Variants in STATH observed in about 807,000 individuals in gnomAD.
STATH encodes statherin.
A neutral mutation model predicts 13.3 loss-of-function variants in STATH; 11 were observed. That is an observed-to-expected ratio of 0.83 (90% CI 0.52 to 1.37). The LOEUF (loss-of-function observed/expected upper bound fraction) is 1.37, where lower values mean the gene tolerates loss of function less well. STATH is among the 40% of genes most tolerant of loss of function. STATH has a pLI of 0.00. For synonymous variants in STATH, 25 were observed against 23.6 expected, an observed-to-expected ratio of 1.06 and a Z score of -0.17; for missense variants, 78 against 73.3, an observed-to-expected ratio of 1.06 and a Z score of -0.24.
chr4:69,998,152 C>T (rs527915574), intron 1 of STATH, among the ~76,000 whole-genome samples: 2 of 152,250 alleles, frequency 1.3e-5, no homozygotes, highest in Admixed American at 1.3e-4. Context: ...TTACTTTCTT[C>T]TTTACCTTCA....
chr4:70,000,160 G>A (rs1176482291), intron 4 of STATH: 3 of 215,106 alleles, frequency 1.4e-5, no homozygotes, highest in East Asian at 2.1e-4. Context: ...ATAAAATATG[G>A]TAAGTTTGCA....
At chr4:70,001,589 G>A (rs1238496778) in intron 5 of STATH, among the ~76,000 whole-genome samples, 1 of 151,782 alleles carries the variant, frequency 6.6e-6, no homozygotes, top group Non-Finnish European at 1.5e-5. Context: ...ATATGGAAAT[G>A]TTATCAATTT....
chr4:70,001,530 T>C (rs1444892106), intron 5 of STATH, among the ~76,000 whole-genome samples: 1 of 151,800 alleles, frequency 6.6e-6, no homozygotes, highest in Non-Finnish European at 1.5e-5. Flanking sequence ...CCTAAGTAAC[T>C]CTACTGAGCA....
chr4:70,001,425 G>A (rs1303225211), intron 5 of STATH, among the ~76,000 whole-genome samples: 1 of 151,796 alleles, frequency 6.6e-6, no homozygotes, highest in Non-Finnish European at 1.5e-5. Flanking sequence ...CTGTACCTAG[G>A]TGTTGCTTAA....
rs751642322 is a variant in STATH, at chr4:69,999,817, T to C, written c.102+8T>C. ...AGAATTGGAAGATTCGGTGTAAGTG[T>C]TCTCTGATAATGCTGTGTAGTCCAA... On this transcript the variant is annotated splice_region_variant and intron_variant, in intron 4 of 5. Transcript: ENST00000246895. 1.2e-6 allele frequency: 2 copies of C among 1,611,912 alleles called. No homozygotes were observed. Among genetic ancestry groups the C allele is most frequent in the Admixed American group, 1.7e-5 (1 of 59,840 alleles).
intron 1 of STATH, 87 bp from the exon 2 acceptor site, chr4:69,998,336 G>C: frequency 1.1e-6 from 1 of 917,288 alleles, no homozygotes; most frequent in South Asian, 1.6e-5. Flanking sequence ...GTGTCTCCCA[G>C]TGCTTTGGAG....
rs934080507 is a variant in STATH, at chr4:70,000,801, A to C, written c.103-62A>C. On this transcript the variant is annotated intron_variant, in intron 4 of 5. Coordinates refer to ENST00000246895, the MANE Select transcript of STATH (RefSeq NM_003154.3). The stretch of plus-strand genomic sequence containing the variant: ...CTTTAACAATCTAAGCTTCTAATAA[A>C]AACGCTTGCACTGTCATTATCTCAA... The C allele has an allele frequency of 1.2e-5, 15 of 1,247,218 alleles. No individual in the cohort carries two copies. In the Admixed American group the frequency reaches 2.4e-4, roughly 20 times the overall value. 77.3% of individuals were successfully genotyped at this position (1,247,218 alleles called of 1,614,324 possible).
intron 1 of STATH, 28 bp from the exon 2 acceptor site, chr4:69,998,395 G>T (rs1724564418): frequency 6.3e-7 from 1 of 1,579,392 alleles, no homozygotes; most frequent in South Asian, 1.1e-5. Flanking sequence ...GAAAAAATGT[G>T]ATACTGAATT....
chr4:69,998,928 T>A (rs1480661374), intron 2 of STATH: 1 of 153,188 alleles, frequency 6.5e-6, no homozygotes, highest in Non-Finnish European at 1.5e-5. Flanking sequence ...TATACAATTA[T>A]TTAGCACACA....
At chr4:69,999,907 T>C (rs1724609589) in intron 4 of STATH, 98 bp downstream of exon 4, 2 of 1,361,878 alleles carry the variant, frequency 1.5e-6, no homozygotes, top group Non-Finnish European at 2.1e-6. Flanking sequence ...CAAATATGTG[T>C]AGTAGTTGCA....
intron 4 of STATH, 118 bp from the exon 5 acceptor site, chr4:70,000,745 A>T: frequency 5.5e-6 from 4 of 731,088 alleles, no homozygotes; most frequent in Non-Finnish European, 9.3e-6. Context: ...TTTGGAAAAA[A>T]ATCTTATAAG....
chr4:69,999,798 G>C lies in STATH; in HGVS notation c.91G>C (p.Gly31Arg). The C allele has an allele frequency of 6.2e-7, 1 of 1,611,992 alleles. No homozygotes were observed. Residue 31 changes from glycine (G) to arginine (R), a missense_variant, in exon 4 of 6, where the codon GGA becomes CGA. Physicochemically the swap from Gly to Arg is moderately radical, Grantham distance 125. Coordinates refer to ENST00000246895, the MANE Select transcript of STATH (RefSeq NM_003154.3). ...TTCACAGAAATTTTTGCGTAGAATT[G>C]GAAGATTCGGTGTAAGTGTTCTCTG... is the stretch of plus-strand genomic sequence containing the variant. ...SSEEKFLRRI[G>R]RFGYGYGPYQ...
chr4:69,999,234 G>A (rs1324369329), intron 2 of STATH: 1 of 159,316 alleles, frequency 6.3e-6, no homozygotes, highest in Non-Finnish European at 1.4e-5. Flanking sequence ...CACATTATTT[G>A]TTATAAAAGG....
intron 1 of STATH, 49 bp from the exon 2 acceptor site, chr4:69,998,374 G>T: frequency 7.0e-7 from 1 of 1,436,764 alleles, no homozygotes. Context: ...ACTTTTGATG[G>T]GCGAATGCAA....
At position 70,002,460 on chromosome 4, in the gene STATH, T is replaced by C. The variant is rs1724694094; in HGVS notation, c.*305T>C. 1 of 151,772 alleles carries C rather than the reference T, an allele frequency of 6.6e-6. No homozygotes were observed. The highest frequency in any genetic ancestry group is 1.5e-5 in the Non-Finnish European group (1 of 67,790). The allele number at this position is 151,772 out of a possible 1,614,324, so 9.4% of individuals were successfully genotyped here. Reference sequence around the variant, plus strand: ...AATTTCAAGCACATTTTTACATGTATGCTCCTTATTTTTCTCTTTTCTATT... The same window carrying C: ...AATTTCAAGCACATTTTTACATGTACGCTCCTTATTTTTCTCTTTTCTATT... On this transcript the variant is annotated 3_prime_UTR_variant, in exon 6 of 6. Coordinates refer to ENST00000246895, the MANE Select transcript of STATH (RefSeq NM_003154.3).
rs924932016 is a variant in STATH at position 70,002,468 on chromosome 4, A to G, written c.*313A>G. 1 of 151,502 alleles carries G rather than the reference A, an allele frequency of 6.6e-6. No individual in the cohort carries two copies. Among genetic ancestry groups the G allele is most frequent in the Non-Finnish European group, 1.5e-5 (1 of 67,694 alleles). The allele number at this position is 151,502 out of a possible 1,614,324, so 9.4% of individuals were successfully genotyped here. On this transcript the variant is annotated 3_prime_UTR_variant, in exon 6 of 6. Transcript: ENST00000246895. The stretch of plus-strand genomic sequence containing the variant: ...GCACATTTTTACATGTATGCTCCTT[A>G]TTTTTCTCTTTTCTATTTATAGGAA...
At chr4:69,998,305 A>C (rs1724562299) in intron 1 of STATH, 118 bp from the exon 2 acceptor site, 1 of 687,160 alleles carries the variant, frequency 1.5e-6, no homozygotes, top group Non-Finnish European at 2.5e-6. Flanking sequence ...AATGGGTTTT[A>C]ATTGTCTTTC....
At chr4:69,999,848 TTG>T in intron 4 of STATH, 39 bp downstream of exon 4, 1 of 1,604,626 alleles carries the variant, frequency 6.2e-7, no homozygotes, top group South Asian at 1.1e-5. Context: ...TCCAAATAAA[TTG>T]TGTTCTCTGA....
At chr4:69,998,552 C>A in intron 2 of STATH, 64 bp downstream of exon 2, 1 of 1,417,944 alleles carries the variant, frequency 7.1e-7, no homozygotes, top group Non-Finnish European at 9.8e-7. Context: ...CTCTCTATTC[C>A]TTGTGTTCTG....
Sources: allele counts gnomAD v4.1 joint callset (sites outside exome capture counted in the v4.1 genomes callset), GRCh38; gene constraint gnomAD v4.1.1; transcripts MANE v1.5; gene names NCBI Gene and HGNC (gene_info 2026-07-23, HGNC 2026-07-21).